Variants in PIGV observed in about 807,000 individuals in gnomAD.
The protein encoded by PIGV is phosphatidylinositol glycan anchor biosynthesis class V, also known as GPI alpha-1,6-mannosyltransferase 2.
A neutral mutation model predicts 39.2 loss-of-function variants in PIGV; 27 were observed. The observed-to-expected ratio is 0.69, with a 90% CI of 0.51 to 0.95. The LOEUF is 0.95. PIGV is among the 40% of genes least tolerant of loss of function. The pLI is 0.00. For missense variants in PIGV, 523 were observed against 586.4 expected, an observed-to-expected ratio of 0.89 and a Z score of 1.12; for synonymous variants, 232 against 241.7, an observed-to-expected ratio of 0.96 and a Z score of 0.37.
rs1162224599 is a variant in PIGV at position 26,794,970 on chromosome 1, G to A, written c.936G>A (p.Trp312Ter). Residue 312 changes from tryptophan to a stop codon, truncating the protein, a stop_gained, in exon 3 of 4, where the codon TGG becomes TGA. Coordinates refer to ENST00000674202, the MANE Select transcript of PIGV (RefSeq NM_017837.4). LOFTEE classifies it high-confidence loss of function. The stretch of plus-strand genomic sequence containing the variant: ...ACAGCTATATCCAGGATGTCTACTG[G>A]AATGTTGGCTTTTTGAAATACTATG... ...LIYSYIQDVYWNVGFLKYYEL... is the reference protein window; with the variant it reads ...LIYSYIQDVY 6.2e-7 allele frequency: 1 copy of A among 1,614,050 alleles called. No homozygotes were observed. The highest frequency in any genetic ancestry group is 8.5e-7 in the Non-Finnish European group (1 of 1,180,038).
chr1:26,796,139 C>T (rs1387706988), intron 3 of PIGV, among the ~76,000 whole-genome samples: 4 of 148,502 alleles, frequency 2.7e-5, no homozygotes, highest in Non-Finnish European at 5.9e-5. Context: ...GGATTACAGG[C>T]GTGAGCTACC....
Position 26,790,905 on chromosome 1 carries a change from A to T in PIGV, c.78+12A>T, listed in dbSNP as rs753993294. On this transcript the variant is annotated intron_variant, in intron 2 of 3. Transcript: ENST00000674202. ...CTCTGATGCTGCAGGTCAGTCTCCC[A>T]TCCTTTGTCCTGAATGTGCTATTGC... is the stretch of plus-strand genomic sequence containing the variant. 1 of 1,609,496 alleles carries T rather than the reference A, an allele frequency of 6.2e-7. No homozygotes were observed. The highest frequency in any genetic ancestry group is 8.5e-7 in the Non-Finnish European group (1 of 1,175,920).
In PIGV at chr1:26,797,810, T is replaced by C; in HGVS notation, c.1448T>C (p.Leu483Pro). The C allele has an allele frequency of 1.2e-6, 2 of 1,614,114 alleles. No homozygotes were observed. The highest frequency in any genetic ancestry group is 1.7e-6 in the Non-Finnish European group (2 of 1,180,010). ...GYFLTYWLLG[L>P]LLHCNFLPWT ...TTCCTGACTTACTGGCTCCTGGGACTACTCCTACATTGCAACTTCCTGCCT... is the reference window on the plus strand; with the variant it reads ...TTCCTGACTTACTGGCTCCTGGGACCACTCCTACATTGCAACTTCCTGCCT... Residue 483 changes from leucine (L) to proline (P), a missense_variant, in exon 4 of 4, where the codon CTA becomes CCA. Transcript: ENST00000674202.
Position 26,795,029 on chromosome 1 carries a change from C to T in PIGV, c.995C>T (p.Ala332Val). Residue 332 changes from alanine to valine, a missense_variant, in exon 3 of 4, where the codon GCA becomes GTA. By Grantham distance (64) the Ala-to-Val change is moderately conservative. Coordinates refer to ENST00000674202, the MANE Select transcript of PIGV (RefSeq NM_017837.4). Reference sequence around the variant, plus strand: ...CAGGTGCCCAATTTTCTACTGGCTGCACCAGTGGCTATACTGGTTGCCTGG... The same window carrying T: ...CAGGTGCCCAATTTTCTACTGGCTGTACCAGTGGCTATACTGGTTGCCTGG... ...LKQVPNFLLA[A>V]PVAILVAWAT... The T allele has an allele frequency of 6.2e-7, 1 of 1,614,088 alleles. No homozygotes were observed. Among genetic ancestry groups the T allele is most frequent in the Non-Finnish European group, 8.5e-7 (1 of 1,179,918 alleles).
intron 2 of PIGV, among the ~76,000 whole-genome samples, chr1:26,792,673 C>G (rs184357902): frequency 6.6e-5 from 10 of 152,214 alleles, no homozygotes; most frequent in Admixed American, 5.2e-4. Context: ...ATCATCCCCC[C>G]ACTTCCAATG....
chr1:26,792,772 C>G (rs2081328883), intron 2 of PIGV, among the ~76,000 whole-genome samples: 1 of 152,218 alleles, frequency 6.6e-6, no homozygotes. Flanking sequence ...GTTTTGGCTC[C>G]TGGTTCACTG....
In PIGV at chr1:26,790,838, G is replaced by A. The variant is rs368673102; in HGVS notation, c.23G>A (p.Arg8Gln). 9.3e-6 allele frequency: 15 copies of A among 1,614,100 alleles called. No homozygotes were observed. The highest frequency in any genetic ancestry group is 3.3e-5 in the South Asian group (3 of 91,076). ...AGGATGTGGCCCCAGGACCCATCCC[G>A]GAAGGAGGTGCTGAGGTTTGCAGTC... MWPQDPS[R>Q]KEVLRFAVSC... Residue 8 changes from arginine to glutamine, a missense_variant, in exon 2 of 4, where the codon CGG becomes CAG. Coordinates refer to ENST00000674202, the MANE Select transcript of PIGV (RefSeq NM_017837.4).
chr1:26,795,028 G>T lies in PIGV; in HGVS notation c.994G>T (p.Ala332Ser). ...LKQVPNFLLA[A>S]PVAILVAWAT... ...GCAGGTGCCCAATTTTCTACTGGCT[G>T]CACCAGTGGCTATACTGGTTGCCTG... The change falls in exon 3 of 4, where the codon GCA becomes TCA. Residue 332 changes from alanine (A) to serine (S), a missense_variant. Physicochemically the swap from Ala to Ser is moderately conservative, Grantham distance 99 (BLOSUM62 1). Transcript: ENST00000674202. 6.2e-7 allele frequency: 1 copy of T among 1,614,106 alleles called. No homozygotes were observed. Among genetic ancestry groups the T allele is most frequent in the South Asian group, 1.1e-5 (1 of 91,082 alleles).
intron 2 of PIGV, among the ~76,000 whole-genome samples, chr1:26,793,226 C>A (rs1389622544): frequency 6.6e-6 from 1 of 152,146 alleles, no homozygotes; most frequent in Non-Finnish European, 1.5e-5. Context: ...TTCACTTTAC[C>A]CCACATTGTT....
chr1:26,787,404 C>G (rs1402947791), upstream of PIGV: 1 of 152,136 alleles, frequency 6.6e-6, no homozygotes, highest in Non-Finnish European at 1.5e-5. Flanking sequence ...GGGCTGAGGA[C>G]TAAAGTAGGA....
chr1:26,797,122 C>T (rs142069358), intron 3 of PIGV, among the ~76,000 whole-genome samples: 1 of 152,310 alleles, frequency 6.6e-6, no homozygotes, highest in East Asian at 1.9e-4. Flanking sequence ...CATTTGGAAA[C>T]TTGTGTCTGA....
At chr1:26,788,317 C>G (rs929602134) in intron 1 of PIGV, 49 bp downstream of exon 1, 6 of 152,308 alleles carry the variant, frequency 3.9e-5, no homozygotes, top group African/African-American at 1.4e-4. Context: ...CAAAAGGAGC[C>G]GGCCAGAAAC....
intron 1 of PIGV, 53 bp from the exon 2 acceptor site, chr1:26,790,706 T>C: frequency 1.2e-6 from 1 of 851,156 alleles, no homozygotes; most frequent in Non-Finnish European, 2.0e-6. Context: ...GACGAATGCT[T>C]TCAAGAATTT....
rs1434086651 is a variant in PIGV, at chr1:26,794,660, G to A, written c.626G>A (p.Ser209Asn). The part of the protein sequence containing the change: ...ATGVRSNGLV[S>N]VGFLMHSQCQ... Reference sequence around the variant, plus strand: ...GGGGTACGCTCCAACGGGCTGGTCAGTGTTGGCTTCCTCATGCATTCTCAA... The same window carrying A: ...GGGGTACGCTCCAACGGGCTGGTCAATGTTGGCTTCCTCATGCATTCTCAA... The change falls in exon 3 of 4, where the codon AGT becomes AAT. Residue 209 changes from serine to asparagine, a missense_variant. Physicochemically the swap from Ser to Asn is conservative, Grantham distance 46. Transcript: ENST00000674202. 6.2e-7 allele frequency: 1 copy of A among 1,614,254 alleles called. No individual in the cohort carries two copies. The highest frequency in any genetic ancestry group is 2.2e-5 in the East Asian group (1 of 44,892).
chr1:26,791,449 G>C (rs148841294), intron 2 of PIGV, among the ~76,000 whole-genome samples: 30 of 152,174 alleles, frequency 2.0e-4, no homozygotes, highest in African/African-American at 7.2e-4. Flanking sequence ...TTCCCTCCGA[G>C]GCTCCCCTTG....
rs1056811619 is a variant in PIGV, at chr1:26,788,117, G to A, written c.-209G>A. 6.6e-6 allele frequency: 1 copy of A among 152,322 alleles called. No homozygotes were observed. The highest frequency in any genetic ancestry group is 2.4e-5 in the African/African-American group (1 of 41,472). The allele number at this position is 152,322 out of a possible 1,614,324, so 9.4% of individuals were successfully genotyped here. A position where few individuals can be genotyped will look rare whatever the true frequency, so the allele number is the denominator to read the frequency against. On this transcript the variant is annotated 5_prime_UTR_variant, in exon 1 of 4. Coordinates refer to ENST00000674202, the MANE Select transcript of PIGV (RefSeq NM_017837.4). ...CCGGTAGAAATGAGACAGACGCCCG[G>A]AGAAGCGGGGAGCCCCGCCCCTCCG... is the stretch of plus-strand genomic sequence containing the variant.
rs532646722 is a variant in PIGV at position 26,798,037 on chromosome 1, G to T, written c.*193G>T. 8.2e-6 allele frequency: 5 copies of T among 608,166 alleles called. No individual in the cohort carries two copies. The highest frequency in any genetic ancestry group is 4.4e-4 in the Middle Eastern group (1 of 2,262). 37.7% of individuals were successfully genotyped at this position (608,166 alleles called of 1,614,324 possible). A position where few individuals can be genotyped will look rare whatever the true frequency, so the allele number is the denominator to read the frequency against. ...AGAGCCCCTTCTGGTCCTGGCTAGG[G>T]CAAATTTTAGACAACTATTTTCTCT... is the stretch of plus-strand genomic sequence containing the variant. On this transcript the variant is annotated 3_prime_UTR_variant, in exon 4 of 4. Transcript: ENST00000674202.
Position 26,790,789 on chromosome 1 carries a change from C to T in PIGV, c.-27C>T, listed in dbSNP as rs371376921. On this transcript the variant is annotated 5_prime_UTR_variant, in exon 2 of 4. Coordinates refer to ENST00000674202, the MANE Select transcript of PIGV (RefSeq NM_017837.4). ...TGAGGGAGCTCAATCCTGGTAGCAACACCCCTGAATTCCTGGTGGTGAAAG... is the reference window on the plus strand; with the variant it reads ...TGAGGGAGCTCAATCCTGGTAGCAATACCCCTGAATTCCTGGTGGTGAAAG... The T allele has an allele frequency of 8.1e-6, 13 of 1,597,720 alleles. No homozygotes were observed. The East Asian group carries it at 1.1e-4, about 14-fold the overall frequency.
At position 26,800,497 on chromosome 1, in the gene PIGV, C is replaced by G. The variant is rs1239135352; in HGVS notation, c.*2653C>G. Among the ~76,000 whole-genome samples the G allele has an allele frequency of 1.3e-5, 2 of 152,092 alleles. No homozygotes were observed. Among genetic ancestry groups the G allele is most frequent in the African/African-American group, 4.8e-5 (2 of 41,402 alleles). On this transcript the variant is annotated 3_prime_UTR_variant, in exon 4 of 4. Coordinates refer to ENST00000674202, the MANE Select transcript of PIGV (RefSeq NM_017837.4). ...GGTGGGAGGAGAGTGTTTGACATAC[C>G]TTTACCAGTCCTCCTGGAAAAATGT... is the stretch of plus-strand genomic sequence containing the variant.
Sources: allele counts gnomAD v4.1 joint callset (sites outside exome capture counted in the v4.1 genomes callset), GRCh38; gene constraint gnomAD v4.1.1; transcripts MANE v1.5; gene names NCBI Gene and HGNC (gene_info 2026-07-23, HGNC 2026-07-21).